EYA2: variants seen among roughly 807,000 people sequenced by gnomAD.
EYA2 encodes the protein EYA transcriptional coactivator and phosphatase 2.
Under a neutral mutation model 69.2 loss-of-function variants are expected in EYA2, and 31 were observed. The ratio of observed to expected loss-of-function variants is 0.45; its 90% confidence interval spans 0.34 to 0.60. The LOEUF is 0.60. Among genes scored for constraint, EYA2 ranks in the 20% least tolerant of loss-of-function variants. The pLI is 0.02. For synonymous variants in EYA2, 257 were observed against 279.4 expected, an observed-to-expected ratio of 0.92 and a Z score of 0.80; for missense variants, 622 against 701.2, an observed-to-expected ratio of 0.89 and a Z score of 1.28.
At chr20:46,962,454 T>C (rs1453612537) in intron 1 of EYA2, among the ~76,000 whole-genome samples, 2 of 152,156 alleles carry the variant, frequency 1.3e-5, no homozygotes, top group Admixed American at 1.3e-4. Context: ...ATATATACAA[T>C]TATTATGTGT....
intron 5 of EYA2, among the ~76,000 whole-genome samples, chr20:47,063,938 C>G (rs1211027817): frequency 6.6e-6 from 1 of 152,150 alleles, no homozygotes; most frequent in Non-Finnish European, 1.5e-5. Context: ...ATGTCAAGAA[C>G]CTGGGCGACT....
chr20:47,036,967 G>A (rs1363011847), intron 5 of EYA2, among the ~76,000 whole-genome samples: 1 of 152,184 alleles, frequency 6.6e-6, no homozygotes, highest in Non-Finnish European at 1.5e-5. Flanking sequence ...GACCGAGACT[G>A]GGTAATGTAT....
chr20:47,095,545 T>C (rs1375236692), intron 8 of EYA2, among the ~76,000 whole-genome samples: 5 of 152,000 alleles, frequency 3.3e-5, no homozygotes, highest in Admixed American at 2.6e-4. Context: ...TTCATGGAAT[T>C]TGAGGATACC....
chr20:47,107,341 A>T (rs1459902356), intron 9 of EYA2, among the ~76,000 whole-genome samples: 2 of 151,148 alleles, frequency 1.3e-5, no homozygotes, highest in Non-Finnish European at 2.9e-5. Flanking sequence ...CCTGCCCGTT[A>T]TGGTGAAACC....
At chr20:47,118,927 G>A (rs1284071598) in intron 9 of EYA2, among the ~76,000 whole-genome samples, 1 of 152,206 alleles carries the variant, frequency 6.6e-6, no homozygotes, top group Non-Finnish European at 1.5e-5. Flanking sequence ...AGAAAAAGGA[G>A]AGGGATTTAA....
intron 1 of EYA2, among the ~76,000 whole-genome samples, chr20:46,910,296 C>T (rs980371480): frequency 2.0e-5 from 3 of 152,042 alleles, no homozygotes; most frequent in Admixed American, 6.6e-5. Flanking sequence ...GAGAAAGAGG[C>T]GGGAGGTGCC....
intron 1 of EYA2, among the ~76,000 whole-genome samples, chr20:46,926,170 G>A (rs989109732): frequency 1.6e-4 from 24 of 152,008 alleles, no homozygotes; most frequent in African/African-American, 5.8e-4. Context: ...TTAATTATTA[G>A]GACTAATTAA....
intron 1 of EYA2, among the ~76,000 whole-genome samples, chr20:46,976,609 T>G (rs1376466047): frequency 6.6e-6 from 1 of 152,184 alleles, no homozygotes; most frequent in African/African-American, 2.4e-5. Context: ...ATGGTCTCGA[T>G]CTCATGACCT....
chr20:47,051,145 G>A (rs540922484), intron 5 of EYA2, among the ~76,000 whole-genome samples: 86 of 152,278 alleles, frequency 5.6e-4, no homozygotes, highest in African/African-American at 2.0e-3. Flanking sequence ...AGCCTATGCC[G>A]GACTTTCCCT....
chr20:47,062,666 G>A (rs1311630701), intron 5 of EYA2, among the ~76,000 whole-genome samples: 3 of 152,138 alleles, frequency 2.0e-5, no homozygotes, highest in South Asian at 2.1e-4. Context: ...CTCAGATCTC[G>A]GGTTCGTGTT....
intron 7 of EYA2, among the ~76,000 whole-genome samples, chr20:47,077,472 T>C (rs1443730229): frequency 1.3e-5 from 2 of 152,230 alleles, no homozygotes; most frequent in Non-Finnish European, 2.9e-5. Context: ...CTGTAGGGCT[T>C]TGCAGAAGCT....
chr20:47,002,476 A>G (rs1982441165), intron 3 of EYA2, among the ~76,000 whole-genome samples: 1 of 152,122 alleles, frequency 6.6e-6, no homozygotes. Flanking sequence ...CTGTTCCTGC[A>G]TTAGTTTGCT....
chr20:46,916,688 T>C (rs1984920647), intron 1 of EYA2, among the ~76,000 whole-genome samples: 1 of 152,194 alleles, frequency 6.6e-6, no homozygotes, highest in African/African-American at 2.4e-5. Context: ...AGGTTGACTT[T>C]CCTTTCTTCT....
chr20:46,951,526 A>T (rs769024080), intron 1 of EYA2, among the ~76,000 whole-genome samples: 2 of 152,188 alleles, frequency 1.3e-5, no homozygotes, highest in Non-Finnish European at 2.9e-5. Flanking sequence ...GACAAGCAGA[A>T]GAGTGCCAGT....
chr20:46,979,344 GGCA>G (rs1376958803), intron 1 of EYA2: 3 of 152,494 alleles, frequency 2.0e-5, no homozygotes, highest in Admixed American at 6.5e-5. Flanking sequence ...ACAAGCCGCA[GGCA>G]GCAGCAGGCC....
At chr20:47,145,356 C>T (rs1463366261) in intron 10 of EYA2, among the ~76,000 whole-genome samples, 4 of 151,870 alleles carry the variant, frequency 2.6e-5, no homozygotes, top group Non-Finnish European at 5.9e-5. Flanking sequence ...GTGCAAAGGT[C>T]CTGAGTGAGA....
intron 9 of EYA2, among the ~76,000 whole-genome samples, chr20:47,101,191 C>T (rs2032413552): frequency 6.6e-6 from 1 of 152,138 alleles, no homozygotes; most frequent in African/African-American, 2.4e-5. Context: ...CTCAAGCAAG[C>T]CTCCCACCTG....
At chr20:46,967,587 C>A (rs1979867169) in intron 1 of EYA2, among the ~76,000 whole-genome samples, 1 of 152,116 alleles carries the variant, frequency 6.6e-6, no homozygotes, top group Non-Finnish European at 1.5e-5. Context: ...GCATTCAGGA[C>A]AGAGGGAACA....
chr20:47,039,828 T>A (rs1984937442), intron 5 of EYA2, among the ~76,000 whole-genome samples: 1 of 132,352 alleles, frequency 7.6e-6, no homozygotes, highest in Non-Finnish European at 1.6e-5. Flanking sequence ...ATTGTGAAGA[T>A]CAAATACTTT....
Sources: allele counts gnomAD v4.1 joint callset (sites outside exome capture counted in the v4.1 genomes callset), GRCh38; gene constraint gnomAD v4.1.1; transcripts MANE v1.5; gene names NCBI Gene and HGNC (gene_info 2026-07-23, HGNC 2026-07-21).